The following KLRF2 variants were observed in gnomAD, a reference collection of about 807,000 sequenced individuals.
KLRF2 encodes killer cell lectin like receptor F2, also known as killer cell lectin-like receptor subfamily F member 2.
KLRF2 carries 28 observed loss-of-function variants against 25.3 expected under a neutral mutation model. That is an observed-to-expected ratio of 1.11 (90% CI 0.82 to 1.52). The LOEUF is 1.52. Among genes scored for constraint, KLRF2 ranks in the 40% most tolerant of loss-of-function variants. KLRF2 has a pLI of 0.00. For missense variants in KLRF2, 265 were observed against 245.8 expected (o/e 1.08, Z -0.52); for synonymous variants, 73 against 85.0 (o/e 0.86, Z 0.78).
intron 2 of KLRF2, among the ~76,000 whole-genome samples, chr12:9,887,724 GTTTTTTT>G (rs79181089): frequency 7.5e-6 from 1 of 133,534 alleles, no homozygotes; most frequent in African/African-American, 2.7e-5. Context: ...GGTCAAAAGA[GTTTTTTT>G]TTTTTTTTTT....
intron 5 of KLRF2, among the ~76,000 whole-genome samples, chr12:9,894,003 T>C (rs1184539350): frequency 2.0e-5 from 3 of 152,138 alleles, no homozygotes; most frequent in Admixed American, 2.0e-4. Context: ...ACTAAACTTG[T>C]TGATATCCAT....
chr12:9,887,188 G>C (rs1005261724), intron 2 of KLRF2, among the ~76,000 whole-genome samples: 2 of 151,814 alleles, frequency 1.3e-5, no homozygotes, highest in African/African-American at 4.8e-5. Flanking sequence ...AAGAGTAAAA[G>C]CAAAACCAAA....
chr12:9,891,210 C>A (rs1320205668), intron 3 of KLRF2, among the ~76,000 whole-genome samples: 3 of 152,036 alleles, frequency 2.0e-5, no homozygotes, highest in Non-Finnish European at 4.4e-5. Flanking sequence ...CTGCCTGGCC[C>A]ACGACAATGG....
chr12:9,887,429 G>C (rs778298942), intron 2 of KLRF2, among the ~76,000 whole-genome samples: 7 of 152,088 alleles, frequency 4.6e-5, no homozygotes, highest in Non-Finnish European at 7.4e-5. Flanking sequence ...GATTCTACTG[G>C]AGCAATGCCT....
intron 2 of KLRF2, among the ~76,000 whole-genome samples, chr12:9,888,422 G>A (rs1270001441): frequency 6.6e-6 from 1 of 151,820 alleles, no homozygotes; most frequent in African/African-American, 2.4e-5. Context: ...CCTGGGAGTC[G>A]GAGCTTGCAG....
At chr12:9,891,761 G>T (rs2137002579) in intron 3 of KLRF2, among the ~76,000 whole-genome samples, 1 of 152,152 alleles carries the variant, frequency 6.6e-6, no homozygotes, top group South Asian at 2.1e-4. Flanking sequence ...GAAGTTTCAT[G>T]AATCTAAATT....
At position 9,889,670 on chromosome 12, in the gene KLRF2, G is replaced by GTATGTA. The variant is rs1555126674; in HGVS notation, c.217+893_217+894insGTATAT. 5.4e-5 allele frequency among the ~76,000 whole-genome samples: 8 copies of GTATGTA among 149,528 alleles called. No individual in the cohort carries two copies. The South Asian group carries it at 8.4e-4, about 16-fold the overall frequency. ...TATGTGTGTGTGTGTGTATATATAT[G>GTATGTA]TATATATATACATATATACACACAT... On this transcript the variant is annotated intron_variant, in intron 3 of 5. Transcript: ENST00000535540.
intron 5 of KLRF2, among the ~76,000 whole-genome samples, chr12:9,893,804 C>T (rs761180023): frequency 5.9e-5 from 9 of 151,808 alleles, no homozygotes; most frequent in Non-Finnish European, 1.3e-4. Flanking sequence ...TTTAATTGTC[C>T]AAAATTCATA....
chr12:9,887,907 TTAGCTGGGTG>T (rs1862617116), intron 2 of KLRF2, among the ~76,000 whole-genome samples: 1 of 150,884 alleles, frequency 6.6e-6, no homozygotes, highest in Non-Finnish European at 1.5e-5. Flanking sequence ...TACACAAAAA[TTAGCTGGGTG>T]TGGAAGTGTG....
Position 9,894,126 on chromosome 12 carries a change from T to TTCTCTCTCTCTCTC in KLRF2, c.479+600_479+613dup, listed in dbSNP as rs141327204. ...CTCTTTTTCTTTTTCTTTCTTTTCT[T>TTCTCTCTCTCTCTC]TCTCTCTCTCTCTCTCTCTCTCTCT... On this transcript the variant is annotated intron_variant, in intron 5 of 5. Transcript: ENST00000535540. Among the ~76,000 whole-genome samples the TTCTCTCTCTCTCTC allele has an allele frequency of 2.8e-3, 362 of 130,276 alleles. 2 individuals are homozygous for TTCTCTCTCTCTCTC. Among genetic ancestry groups the TTCTCTCTCTCTCTC allele is most frequent in the African/African-American group, 8.4e-3 (285 of 33,842 alleles). 85.5% of individuals were successfully genotyped at this position (130,276 alleles called of 152,430 possible).
chr12:9,889,175 C>G (rs1043213617), intron 3 of KLRF2, among the ~76,000 whole-genome samples: 2 of 152,140 alleles, frequency 1.3e-5, no homozygotes, highest in Admixed American at 1.3e-4. Flanking sequence ...CAACTGTTCA[C>G]ATGAATTTAG....
At chr12:9,885,137 CAT>C (rs1464050872) in intron 2 of KLRF2, 105 bp downstream of exon 2, 3 of 365,388 alleles carry the variant, frequency 8.2e-6, no homozygotes, top group Non-Finnish European at 1.4e-5. Flanking sequence ...CCAAAACTGG[CAT>C]ATGTCATATT....
chr12:9,887,218 A>T (rs1862608653), intron 2 of KLRF2, among the ~76,000 whole-genome samples: 3 of 152,308 alleles, frequency 2.0e-5, no homozygotes, highest in African/African-American at 7.2e-5. Context: ...TTTTCAGCTT[A>T]CAAGAACCCA....
intron 2 of KLRF2, among the ~76,000 whole-genome samples, chr12:9,886,354 A>C (rs527957435): frequency 6.6e-6 from 1 of 152,316 alleles, no homozygotes; most frequent in African/African-American, 2.4e-5. Flanking sequence ...AGAAAAGATA[A>C]CAAAATAGAG....
intron 1 of KLRF2, among the ~76,000 whole-genome samples, chr12:9,883,793 C>A (rs1406771003): frequency 2.0e-5 from 3 of 152,092 alleles, no homozygotes; most frequent in Non-Finnish European, 4.4e-5. Flanking sequence ...TAAGTATATA[C>A]TATAGATCTA....
intron 1 of KLRF2, among the ~76,000 whole-genome samples, chr12:9,883,417 A>G (rs1868115934): frequency 6.6e-6 from 1 of 152,202 alleles, no homozygotes; most frequent in Non-Finnish European, 1.5e-5. Flanking sequence ...CACTTCATGT[A>G]CTCAGCTCTC....
chr12:9,887,767 C>A (rs1591777119), intron 2 of KLRF2, among the ~76,000 whole-genome samples: 1 of 139,338 alleles, frequency 7.2e-6, no homozygotes, highest in African/African-American at 2.7e-5. Flanking sequence ...AAAATAAGAT[C>A]AAGACTAGGC....
At chr12:9,883,674 C>G (rs1198455416) in intron 1 of KLRF2, among the ~76,000 whole-genome samples, 1 of 152,120 alleles carries the variant, frequency 6.6e-6, no homozygotes, top group Non-Finnish European at 1.5e-5. Context: ...TTTGCTTGAA[C>G]AGCAGAAATA....
intron 3 of KLRF2, among the ~76,000 whole-genome samples, chr12:9,889,576 G>A (rs940175611): frequency 3.3e-5 from 5 of 151,852 alleles, no homozygotes; most frequent in East Asian, 3.9e-4. Flanking sequence ...TATTCTGTGC[G>A]TTTTGGACTT....
Sources: gnomAD v4.1 joint callset for allele counts (sites outside exome capture counted in the v4.1 genomes callset) on GRCh38, gnomAD v4.1.1 for gene constraint, MANE v1.5 for transcripts, NCBI Gene and HGNC (gene_info 2026-07-23, HGNC 2026-07-21) for gene names.